The following ERI1 variants were observed in gnomAD, a reference collection of about 807,000 sequenced individuals.
ERI1 encodes the protein 3'-5' exoribonuclease 1.
ERI1 carries 39 observed loss-of-function variants against 39.7 expected under a neutral mutation model. The ratio of observed to expected loss-of-function variants is 0.98; its 90% CI spans 0.76 to 1.28. ERI1 has a LOEUF of 1.28. Among genes scored for constraint, ERI1 ranks in the 50% most tolerant of loss-of-function variants. The pLI, the probability that ERI1 is intolerant of heterozygous loss-of-function variation, is 0.00. For synonymous variants in ERI1, 204 were observed against 149.6 expected, an observed-to-expected ratio of 1.36 and a Z score of -2.65; for missense variants, 581 against 416.9, an observed-to-expected ratio of 1.39 and a Z score of -3.43.
At chr8:9,015,592 G>A (rs955964636) in intron 3 of ERI1, among the ~76,000 whole-genome samples, 1 of 151,894 alleles carries the variant, frequency 6.6e-6, no homozygotes, top group Non-Finnish European at 1.5e-5. Flanking sequence ...CGTGGTGGCA[G>A]GCGTCTGTAG....
intron 3 of ERI1, among the ~76,000 whole-genome samples, chr8:9,060,833 G>T (rs13257208): frequency 6.6e-6 from 1 of 152,072 alleles, no homozygotes; most frequent in East Asian, 1.9e-4. Context: ...GATCTGATGC[G>T]TTTTGATGCC....
intron 6 of ERI1, among the ~76,000 whole-genome samples, chr8:9,027,149 ATGTG>A (rs140641752): frequency 0.025 from 3,599 of 141,580 alleles, 136 homozygotes; most frequent in East Asian, 0.2. Context: ...GTGTGTGTGT[ATGTG>A]TGTGTGTGTG....
At chr8:9,061,968 G>C (rs1798713624) in intron 3 of ERI1, among the ~76,000 whole-genome samples, 1 of 152,056 alleles carries the variant, frequency 6.6e-6, no homozygotes, top group Non-Finnish European at 1.5e-5. Flanking sequence ...AGGCATTGAG[G>C]ATAGGAGAGT....
At chr8:9,022,437 G>T (rs1020616552) in intron 6 of ERI1, among the ~76,000 whole-genome samples, 2 of 152,118 alleles carry the variant, frequency 1.3e-5, no homozygotes, top group African/African-American at 4.8e-5. Context: ...GTCTCATTCT[G>T]TTGCCCAGGT....
rs566949908 is a variant in ERI1, at chr8:9,085,882, C to T, written n.300-30466C>T. On this transcript the variant is annotated intron_variant and non_coding_transcript_variant, in intron 3 of 3. Coordinates refer to the ERI1 transcript ENST00000518663. ...CAGGTTTTTTCTAACTTGTTAATGG[C>T]AGTCTCCATGCTGAGGACAAATTTA... 9.2e-4 allele frequency among the ~76,000 whole-genome samples: 140 copies of T among 152,220 alleles called. 2 individuals carry two copies. The South Asian group carries it at 0.025, about 27-fold the overall frequency.
intron 2 of ERI1, chr8:9,008,916 T>C (rs1431487757): frequency 3.0e-5 from 13 of 434,506 alleles, no homozygotes; most frequent in Non-Finnish European, 4.6e-5. Flanking sequence ...ATTCTTCCTC[T>C]TTAGAGTTTC....
At chr8:9,063,792 T>C (rs1354226347) in intron 3 of ERI1, among the ~76,000 whole-genome samples, 1 of 152,148 alleles carries the variant, frequency 6.6e-6, no homozygotes, top group Admixed American at 6.5e-5. Flanking sequence ...TTGGAACCAC[T>C]GTAGAGTTTA....
At chr8:9,086,840 C>G (rs1189602554) in intron 3 of ERI1, among the ~76,000 whole-genome samples, 1 of 152,140 alleles carries the variant, frequency 6.6e-6, no homozygotes, top group African/African-American at 2.4e-5. Context: ...GCAAGAGTGT[C>G]AAACCATTAT....
At chr8:9,020,160 CTTCTT>C (rs1232165457) in intron 5 of ERI1, among the ~76,000 whole-genome samples, 185 bp from the exon 6 acceptor site, 1 of 152,022 alleles carries the variant, frequency 6.6e-6, no homozygotes, top group East Asian at 1.9e-4. Context: ...ATATATCCGA[CTTCTT>C]TGTTTGGTTT....
intron 3 of ERI1, among the ~76,000 whole-genome samples, chr8:9,094,417 G>T (rs1799807403): frequency 6.6e-6 from 1 of 152,126 alleles, no homozygotes; most frequent in African/African-American, 2.4e-5. Context: ...TGCTGCAAGG[G>T]CTGAGTCTCA....
chr8:9,084,204 G>A (rs1329146763), intron 3 of ERI1, among the ~76,000 whole-genome samples: 1 of 152,142 alleles, frequency 6.6e-6, no homozygotes, highest in African/African-American at 2.4e-5. Context: ...GGAGGTTGCA[G>A]CAGTGAGCTT....
intron 4 of ERI1, among the ~76,000 whole-genome samples, chr8:9,017,515 GTAGGCCTAA>G (rs551626765): frequency 2.1e-3 from 321 of 152,324 alleles, no homozygotes; most frequent in Admixed American, 4.6e-3. Context: ...AGTGGTCACA[GTAGGCCTAA>G]TAAGTCAGTG....
At chr8:9,009,000 C>T in intron 2 of ERI1, 1 of 456,078 alleles carries the variant, frequency 2.2e-6, no homozygotes, top group South Asian at 1.5e-5. Context: ...AAATTTTTGA[C>T]TCCTATTTCC....
downstream of ERI1, among the ~76,000 whole-genome samples, chr8:9,038,176 A>T (rs966538830): frequency 6.6e-6 from 1 of 152,354 alleles, no homozygotes. Flanking sequence ...CATAGAAAAT[A>T]CATAAAGGCT....
At chr8:9,008,997 T>C in intron 2 of ERI1, 1 of 456,286 alleles carries the variant, frequency 2.2e-6, no homozygotes, top group Non-Finnish European at 4.4e-6. Context: ...AAGAAATTTT[T>C]GACTCCTATT....
At chr8:9,022,228 C>T (rs1166931304) in intron 6 of ERI1, among the ~76,000 whole-genome samples, 1 of 151,928 alleles carries the variant, frequency 6.6e-6, no homozygotes, top group Non-Finnish European at 1.5e-5. Flanking sequence ...GAGGTATCAG[C>T]TATCTGGATT....
chr8:9,005,573 G>A (rs369462951), intron 1 of ERI1, among the ~76,000 whole-genome samples: 1 of 148,880 alleles, frequency 6.7e-6, no homozygotes, highest in African/African-American at 2.5e-5. Flanking sequence ...GGAGTGCAGC[G>A]GCTCAGTCTC....
intron 3 of ERI1, among the ~76,000 whole-genome samples, chr8:9,062,301 GA>G (rs1292579633): frequency 1.3e-5 from 2 of 151,916 alleles, no homozygotes; most frequent in Non-Finnish European, 2.9e-5. Context: ...GCGGGGATAC[GA>G]GAGGAGAATG....
At chr8:9,004,196 G>C in intron 1 of ERI1, 2 of 1,285,312 alleles carry the variant, frequency 1.6e-6, no homozygotes, top group Non-Finnish European at 2.0e-6. Context: ...TCCTTCTAAG[G>C]TTGTTATTTC....
Sources: allele counts gnomAD v4.1 joint callset (sites outside exome capture counted in the v4.1 genomes callset), GRCh38; gene constraint gnomAD v4.1.1; transcripts MANE v1.5; gene names NCBI Gene and HGNC (gene_info 2026-07-23, HGNC 2026-07-21).